Variants in KCNJ12 observed in about 807,000 individuals in gnomAD.
KCNJ12 encodes ATP-sensitive inward rectifier potassium channel 12.
In KCNJ12, 2 loss-of-function variants were observed where a neutral mutation model predicts 22.3. The observed-to-expected ratio is 0.09, with a 90% CI of 0.04 to 0.28. KCNJ12 has a LOEUF of 0.28. Among genes scored for constraint, KCNJ12 ranks in the 10% least tolerant of loss-of-function variants. The pLI is 1.00. For synonymous variants in KCNJ12, 117 were observed against 261.4 expected (o/e 0.45, Z 5.33); for missense variants, 155 against 633.3 (o/e 0.24, Z 8.11).
Position 21,419,816 on chromosome 17 carries a change from C to A in KCNJ12, c.*3172C>A, listed in dbSNP as rs1250051927. ...TGTTATTTTCAATACATAGCAGTAT[C>A]TAAAGACGTAGGCGATGAGACTAGA... is the stretch of plus-strand genomic sequence containing the variant. On this transcript the variant is annotated 3_prime_UTR_variant, in exon 3 of 3. Coordinates refer to ENST00000583088, the MANE Select transcript of KCNJ12 (RefSeq NM_021012.5). 2 of 167,510 alleles carry A rather than the reference C, an allele frequency of 1.2e-5. No homozygotes were observed. Among genetic ancestry groups the A allele is most frequent in the African/African-American group, 4.8e-5 (2 of 41,492 alleles). 10.4% of individuals were successfully genotyped at this position (167,510 alleles called of 1,614,324 possible).
chr17:21,379,999 G>A (rs1904810234), intron 1 of KCNJ12, among the ~76,000 whole-genome samples: 1 of 152,180 alleles, frequency 6.6e-6, no homozygotes, highest in African/African-American at 2.4e-5. Context: ...GCACCAGCCT[G>A]TGGGGCTCAG....
intron 1 of KCNJ12, among the ~76,000 whole-genome samples, chr17:21,406,665 C>T (rs1905957743): frequency 6.6e-6 from 1 of 152,310 alleles, no homozygotes; most frequent in Non-Finnish European, 1.5e-5. Flanking sequence ...TTATGAGGGG[C>T]AGAGCTGGGA....
chr17:21,391,060 C>T (rs575651949), intron 1 of KCNJ12, among the ~76,000 whole-genome samples: 5 of 152,326 alleles, frequency 3.3e-5, no homozygotes, highest in South Asian at 2.1e-4. Context: ...GGGCCCTGCA[C>T]GGGTAGCCTT....
intron 1 of KCNJ12, among the ~76,000 whole-genome samples, chr17:21,387,440 C>CAAAAAAA (rs782125409): frequency 3.3e-4 from 12 of 36,502 alleles, no homozygotes; most frequent in African/African-American, 5.9e-4. Flanking sequence ...GACTCTATCT[C>CAAAAAAA]AAAAAAAAAA....
chr17:21,388,802 T>C (rs955951420), intron 1 of KCNJ12, among the ~76,000 whole-genome samples: 1 of 152,026 alleles, frequency 6.6e-6, no homozygotes, highest in African/African-American at 2.4e-5. Context: ...GGGGAGGCGG[T>C]GGCCAAGCCA....
chr17:21,404,894 T>A (rs1905837762), intron 1 of KCNJ12, among the ~76,000 whole-genome samples: 1 of 152,280 alleles, frequency 6.6e-6, no homozygotes, highest in Non-Finnish European at 1.5e-5. Context: ...CCTCAGGGCT[T>A]AAGGGTGGAC....
At chr17:21,384,770 G>GTTTTTTTTTTT (rs200586129) in intron 1 of KCNJ12, among the ~76,000 whole-genome samples, 2 of 128,674 alleles carry the variant, frequency 1.6e-5, no homozygotes, top group African/African-American at 2.8e-5. Context: ...TTGTTTGTTT[G>GTTTTTTTTTTT]TTTTTTTTTT....
intron 1 of KCNJ12, among the ~76,000 whole-genome samples, chr17:21,406,651 C>T (rs1319725111): frequency 6.6e-6 from 1 of 152,310 alleles, no homozygotes; most frequent in African/African-American, 2.4e-5. Flanking sequence ...CAAGGTCACA[C>T]AGCTTATGAG....
chr17:21,387,461 A>G (rs1345813585), intron 1 of KCNJ12, among the ~76,000 whole-genome samples: 2 of 151,508 alleles, frequency 1.3e-5, no homozygotes, highest in Admixed American at 6.6e-5. Flanking sequence ...AAAAAAAAAA[A>G]AAAAGAAACG....
intron 1 of KCNJ12, among the ~76,000 whole-genome samples, chr17:21,407,605 A>G (rs1906036497): frequency 6.6e-6 from 1 of 150,708 alleles, no homozygotes; most frequent in African/African-American, 2.5e-5. Context: ...CCATCCATCC[A>G]TCCACCCATT....
intron 1 of KCNJ12, among the ~76,000 whole-genome samples, chr17:21,386,376 T>C (rs1905069535): frequency 6.6e-6 from 1 of 152,192 alleles, no homozygotes; most frequent in Non-Finnish European, 1.5e-5. Flanking sequence ...TCTCACTCTG[T>C]CAACCATGGC....
At chr17:21,386,610 A>T (rs1905078380) in intron 1 of KCNJ12, among the ~76,000 whole-genome samples, 1 of 151,924 alleles carries the variant, frequency 6.6e-6, no homozygotes, top group Admixed American at 6.6e-5. Context: ...CAGGTTCAAG[A>T]GATTCTCCTG....
intron 1 of KCNJ12, among the ~76,000 whole-genome samples, chr17:21,382,327 A>G (rs1407265421): frequency 1.3e-5 from 2 of 152,044 alleles, no homozygotes; most frequent in Non-Finnish European, 2.9e-5. Context: ...ATCTCAGCTG[A>G]TGGCTGAATC....
At chr17:21,407,924 A>T (rs1906069775) in intron 1 of KCNJ12, among the ~76,000 whole-genome samples, 1 of 152,004 alleles carries the variant, frequency 6.6e-6, no homozygotes, top group African/African-American at 2.4e-5. Context: ...TCATCCATCT[A>T]CCCACTCATC....
At chr17:21,390,136 G>A (rs928463829) in intron 1 of KCNJ12, among the ~76,000 whole-genome samples, 1 of 152,022 alleles carries the variant, frequency 6.6e-6, no homozygotes, top group Admixed American at 6.6e-5. Flanking sequence ...TGAGAAAATC[G>A]AAGAGAATTT....
At chr17:21,415,126 C>G (rs1339347751) in intron 2 of KCNJ12, among the ~76,000 whole-genome samples, 161 bp from the exon 3 acceptor site, 2 of 152,288 alleles carry the variant, frequency 1.3e-5, no homozygotes, top group African/African-American at 4.8e-5. Flanking sequence ...GCCATTCGCA[C>G]TGGGAAGGCG....
chr17:21,397,665 G>C (rs1279087555), intron 1 of KCNJ12, among the ~76,000 whole-genome samples: 1 of 152,196 alleles, frequency 6.6e-6, no homozygotes, highest in Non-Finnish European at 1.5e-5. Context: ...CTTTGTGAGG[G>C]TGTGGCCCAG....
At chr17:21,397,509 G>A (rs1332095842) in intron 1 of KCNJ12, among the ~76,000 whole-genome samples, 5 of 152,360 alleles carry the variant, frequency 3.3e-5, no homozygotes, top group Admixed American at 6.5e-5. Context: ...TCTGTGGGTC[G>A]TCCTCCCGCC....
chr17:21,392,488 G>GGGGCAGA (rs1328285788), intron 1 of KCNJ12, among the ~76,000 whole-genome samples: 1 of 152,248 alleles, frequency 6.6e-6, no homozygotes, highest in Non-Finnish European at 1.5e-5. Flanking sequence ...CAGGGGGCAG[G>GGGGCAGA]GGCCCAGCTG....
Sources: allele counts gnomAD v4.1 joint callset (sites outside exome capture counted in the v4.1 genomes callset), GRCh38; gene constraint gnomAD v4.1.1; transcripts MANE v1.5; gene names NCBI Gene and HGNC (gene_info 2026-07-23, HGNC 2026-07-21).